The following PDZD2 variants were observed in gnomAD, a reference collection of about 807,000 sequenced individuals.
PDZD2 encodes the protein PDZ domain containing 2.
A neutral mutation model predicts 220.7 loss-of-function variants in PDZD2; 90 were observed. The ratio of observed to expected loss-of-function variants is 0.41; its 90% CI spans 0.34 to 0.49. The LOEUF (loss-of-function observed/expected upper bound fraction) is 0.49, where lower values mean the gene tolerates loss of function less well. Among genes scored for constraint, PDZD2 ranks in the 20% least tolerant of loss-of-function variants. The pLI is 0.28. For synonymous variants in PDZD2, 1,375 were observed against 1,450.5 expected (o/e 0.95, Z 1.18); for missense variants, 3,174 against 3,608.5 (o/e 0.88, Z 3.08).
rs114626371 is a variant in PDZD2, at chr5:32,070,072, A to T, written c.2533+422A>T. On this transcript the variant is annotated intron_variant, in intron 15 of 24. Coordinates refer to ENST00000438447, the MANE Select transcript of PDZD2 (RefSeq NM_178140.4). ...TTCAAAAGGGTAATAGAGGTAGCAA[A>T]AATCATGATTTCGCTCAAGTGGAAA... Among the ~76,000 whole-genome samples the T allele has an allele frequency of 3.8e-3, 580 of 152,326 alleles. 3 individuals are homozygous for T. Among genetic ancestry groups the T allele is most frequent in the Non-Finnish European group, 4.2e-3 (285 of 68,016 alleles).
intron 19 of PDZD2, among the ~76,000 whole-genome samples, chr5:32,086,707 G>A (rs1469679940): frequency 1.7e-4 from 25 of 151,250 alleles, no homozygotes; most frequent in African/African-American, 1.9e-4. Context: ...ACGGAGTTTC[G>A]CTCTTTTTGC....
intron 1 of PDZD2, among the ~76,000 whole-genome samples, chr5:31,752,069 G>GTTTTT (rs1491302993): frequency 2.4e-4 from 23 of 95,848 alleles, no homozygotes; most frequent in Admixed American, 1.5e-4. Flanking sequence ...ATTGTTTTGG[G>GTTTTT]TTTGTTTTTT....
intron 1 of PDZD2, among the ~76,000 whole-genome samples, chr5:31,743,026 C>A (rs1244542958): frequency 6.6e-6 from 1 of 152,156 alleles, no homozygotes; most frequent in African/African-American, 2.4e-5. Flanking sequence ...ATTAGCCAGT[C>A]CATCTTCACC....
intron 1 of PDZD2, among the ~76,000 whole-genome samples, chr5:31,675,434 G>A (rs956984884): frequency 2.6e-5 from 4 of 152,188 alleles, no homozygotes; most frequent in African/African-American, 9.7e-5. Context: ...CCAGCTCAGG[G>A]CTGCTCAGGC....
chr5:31,652,163 G>GTTTGTTTGTTTGTTTT, intron 1 of PDZD2, among the ~76,000 whole-genome samples: 1 of 150,894 alleles, frequency 6.6e-6, no homozygotes, highest in Non-Finnish European at 1.5e-5. Context: ...TTGTTTGTTT[G>GTTTGTTTGTTTGTTTT]TTTGTTTGTT....
At chr5:31,813,249 G>A (rs1755229124) in intron 2 of PDZD2, among the ~76,000 whole-genome samples, 1 of 152,074 alleles carries the variant, frequency 6.6e-6, no homozygotes, top group Non-Finnish European at 1.5e-5. Context: ...AGGAGATGGA[G>A]ACCATCCTGG....
At chr5:31,989,027 C>CT (rs1750963362) in intron 3 of PDZD2, among the ~76,000 whole-genome samples, 1 of 152,188 alleles carries the variant, frequency 6.6e-6, no homozygotes, top group Admixed American at 6.5e-5. Flanking sequence ...CCCCAGTAGA[C>CT]TTTAAGAGCA....
intron 2 of PDZD2, among the ~76,000 whole-genome samples, chr5:31,876,041 G>A (rs1282232621): frequency 6.6e-6 from 1 of 151,864 alleles, no homozygotes; most frequent in Admixed American, 6.6e-5. Context: ...TTATTAATTG[G>A]GAAATATTGA....
At chr5:32,029,329 T>TAAAAAAAAAAA (rs34025632) in intron 6 of PDZD2, among the ~76,000 whole-genome samples, 2 of 65,834 alleles carry the variant, frequency 3.0e-5, no homozygotes, top group Non-Finnish European at 2.7e-5. Flanking sequence ...TCAAGAACTG[T>TAAAAAAAAAAA]AAAAAAAAAA....
intron 2 of PDZD2, among the ~76,000 whole-genome samples, chr5:31,837,001 G>C (rs1334041849): frequency 2.7e-5 from 4 of 149,616 alleles, no homozygotes; most frequent in Non-Finnish European, 5.9e-5. Flanking sequence ...CTGGGCAACT[G>C]AGCGAGACTG....
Position 31,989,416 on chromosome 5 carries a change from C to CTTTTTTTTTTTTTTTTTT in PDZD2, c.978+5764_978+5765insTTTTTTTTTTTTTTTTTT, listed in dbSNP as rs1385913596. ...TATTCTGTGGTATATACCACATTTT[C>CTTTTTTTTTTTTTTTTTT]TTTTCTTTTTTTTTTTTTTTTTTTG... On this transcript the variant is annotated intron_variant, in intron 3 of 24. Transcript: ENST00000438447. Among the ~76,000 whole-genome samples the CTTTTTTTTTTTTTTTTTT allele has an allele frequency of 5.0e-5, 6 of 120,640 alleles. 1 individual carries two copies. Among genetic ancestry groups the CTTTTTTTTTTTTTTTTTT allele is most frequent in the East Asian group, 5.9e-4 (2 of 3,418 alleles). The allele number at this position is 120,640 out of a possible 152,430, so 79.1% of individuals were successfully genotyped here.
At chr5:31,833,478 GAAAAAAAAAAAAAAA>G (rs869118030) in intron 2 of PDZD2, among the ~76,000 whole-genome samples, 1 of 2,060 alleles carries the variant, frequency 4.9e-4, no homozygotes, top group Non-Finnish European at 1.5e-3. Context: ...AAAAAAAAAA[GAAAAAAAAAAAAAAA>G]AAGAATGGCC....
rs960143315 is a variant in PDZD2 at position 32,068,072 on chromosome 5, T to C, written c.2452-1497T>C. On this transcript the variant is annotated intron_variant, in intron 14 of 24. Transcript: ENST00000438447. ...ATCAAGAGATCAAAGTTATCACCGA[T>C]TATAAGACACATTGACCCTTAGTGC... is the stretch of plus-strand genomic sequence containing the variant. Among the ~76,000 whole-genome samples, 5 of 152,152 alleles carry C rather than the reference T, an allele frequency of 3.3e-5. No homozygotes were observed. The South Asian group carries it at 1.0e-3, about 32-fold the overall frequency.
chr5:31,850,241 TATAC>T (rs1561508287), intron 2 of PDZD2, among the ~76,000 whole-genome samples: 14 of 107,688 alleles, frequency 1.3e-4, no homozygotes, highest in African/African-American at 4.8e-4. Context: ...TATATATATA[TATAC>T]ACACACACAC....
intron 1 of PDZD2, among the ~76,000 whole-genome samples, chr5:31,716,429 G>A (rs1748447143): frequency 6.6e-6 from 1 of 152,158 alleles, no homozygotes; most frequent in Non-Finnish European, 1.5e-5. Context: ...GGAAATTGAG[G>A]GGAAAGTGTG....
chr5:31,713,043 T>C (rs1187918001), intron 1 of PDZD2, among the ~76,000 whole-genome samples: 1 of 152,230 alleles, frequency 6.6e-6, no homozygotes, highest in African/African-American at 2.4e-5. Context: ...AGAAGGATTC[T>C]GAGACTTTGT....
At chr5:31,710,672 C>A (rs1748047849) in intron 1 of PDZD2, among the ~76,000 whole-genome samples, 1 of 152,112 alleles carries the variant, frequency 6.6e-6, no homozygotes, top group Non-Finnish European at 1.5e-5. Flanking sequence ...ACAAAATTAG[C>A]TGGATGTGGT....
At chr5:31,861,919 A>C (rs1295606941) in intron 2 of PDZD2, among the ~76,000 whole-genome samples, 1 of 152,062 alleles carries the variant, frequency 6.6e-6, no homozygotes, top group African/African-American at 2.4e-5. Flanking sequence ...CTCTATTTTT[A>C]TGAATGGAAG....
chr5:32,051,686 G>C (rs929505171), intron 8 of PDZD2, among the ~76,000 whole-genome samples: 2 of 152,146 alleles, frequency 1.3e-5, no homozygotes, highest in Non-Finnish European at 2.9e-5. Context: ...ACAAAAAAGG[G>C]GTGAGATTGG....
Sources: gnomAD v4.1 joint callset for allele counts (sites outside exome capture counted in the v4.1 genomes callset) on GRCh38, gnomAD v4.1.1 for gene constraint, MANE v1.5 for transcripts, NCBI Gene and HGNC (gene_info 2026-07-23, HGNC 2026-07-21) for gene names.